PARD3B: variants seen among roughly 807,000 people sequenced by gnomAD.
PARD3B encodes par-3 family cell polarity regulator beta.
Under a neutral mutation model 130.2 loss-of-function variants are expected in PARD3B, and 103 were observed. The ratio of observed to expected loss-of-function variants is 0.79; its 90% CI spans 0.67 to 0.93. PARD3B has a LOEUF of 0.93. PARD3B is among the 40% of genes least tolerant of loss of function. The pLI is 0.00. For synonymous variants in PARD3B, 583 were observed against 553.2 expected, an observed-to-expected ratio of 1.05 and a Z score of -0.76; for missense variants, 1,609 against 1,499.2, an observed-to-expected ratio of 1.07 and a Z score of -1.21.
chr2:204,609,659 A>AT lies in PARD3B; in HGVS notation c.120+63541dup, dbSNP rs1427498712. On this transcript the variant is annotated intron_variant, in intron 1 of 22. Coordinates refer to ENST00000406610, the MANE Select transcript of PARD3B (RefSeq NM_001302769.2). Reference sequence around the variant, plus strand: ...AGTAGTAAGAAATGTTTGAGTTAAGATAAGGGGAGTTATATAGTCCAGTGT... The same window carrying AT: ...AGTAGTAAGAAATGTTTGAGTTAAGATTAAGGGGAGTTATATAGTCCAGTGT... 5.9e-5 allele frequency among the ~76,000 whole-genome samples: 9 copies of AT among 152,248 alleles called. No individual in the cohort carries two copies. The East Asian group carries it at 1.4e-3, about 23-fold the overall frequency.
intron 2 of PARD3B, among the ~76,000 whole-genome samples, chr2:204,729,130 A>G (rs1437947939): frequency 6.6e-6 from 1 of 152,180 alleles, no homozygotes; most frequent in African/African-American, 2.4e-5. Flanking sequence ...TCTGTTGATA[A>G]TGCAAAAGAG....
intron 20 of PARD3B, among the ~76,000 whole-genome samples, chr2:205,472,009 T>A (rs1488700485): frequency 6.6e-6 from 1 of 152,170 alleles, no homozygotes; most frequent in Non-Finnish European, 1.5e-5. Context: ...CTGGTTTCTG[T>A]CTGCACGTAG....
At chr2:204,902,398 G>A (rs1196179641) in intron 2 of PARD3B, among the ~76,000 whole-genome samples, 1 of 152,010 alleles carries the variant, frequency 6.6e-6, no homozygotes, top group Non-Finnish European at 1.5e-5. Context: ...AGCCAGGCGC[G>A]GTGGCTCAGG....
intron 18 of PARD3B, among the ~76,000 whole-genome samples, chr2:205,388,517 T>A (rs2045740568): frequency 6.6e-6 from 1 of 152,198 alleles, no homozygotes; most frequent in Admixed American, 6.5e-5. Flanking sequence ...GAGTATACAA[T>A]ACTTTTGTGA....
At chr2:205,573,074 C>A (rs1271850808) in intron 22 of PARD3B, among the ~76,000 whole-genome samples, 1 of 152,152 alleles carries the variant, frequency 6.6e-6, no homozygotes, top group Non-Finnish European at 1.5e-5. Context: ...ACCATCAGAT[C>A]TCATGAGAAC....
chr2:204,634,810 G>T (rs1388920956), intron 1 of PARD3B, among the ~76,000 whole-genome samples: 1 of 151,984 alleles, frequency 6.6e-6, no homozygotes, highest in Admixed American at 6.6e-5. Context: ...GATGATCATC[G>T]CTTAGGTCTA....
At position 205,358,224 on chromosome 2, in the gene PARD3B, T is replaced by C. The variant is rs192939969; in HGVS notation, c.2631-42789T>C. 6.7e-4 allele frequency among the ~76,000 whole-genome samples: 102 copies of C among 152,326 alleles called. 1 individual carries two copies. The East Asian group carries it at 0.013, about 19-fold the overall frequency. On this transcript the variant is annotated intron_variant, in intron 18 of 22. Coordinates refer to ENST00000406610, the MANE Select transcript of PARD3B (RefSeq NM_001302769.2). ...TTCTTGTCCAATCACCGCTACTCTTTTAAAAATTGAGACCTTAGCCTGGAT... is the reference window on the plus strand; with the variant it reads ...TTCTTGTCCAATCACCGCTACTCTTCTAAAAATTGAGACCTTAGCCTGGAT...
intron 2 of PARD3B, among the ~76,000 whole-genome samples, chr2:204,867,696 T>C (rs2045479344): frequency 6.6e-6 from 1 of 152,062 alleles, no homozygotes; most frequent in South Asian, 2.1e-4. Context: ...TCCCTGACCA[T>C]TTTATGTGTT....
intron 11 of PARD3B, among the ~76,000 whole-genome samples, chr2:205,166,032 A>G (rs905587791): frequency 6.6e-6 from 1 of 152,124 alleles, no homozygotes; most frequent in Non-Finnish European, 1.5e-5. Flanking sequence ...CAATTTGTAG[A>G]TGAAACTTAA....
intron 18 of PARD3B, among the ~76,000 whole-genome samples, chr2:205,358,057 A>T (rs1430659716): frequency 6.6e-6 from 1 of 152,236 alleles, no homozygotes; most frequent in Non-Finnish European, 1.5e-5. Flanking sequence ...TAAATTTCAC[A>T]TAAGCTGTTC....
At chr2:205,083,989 A>G (rs996754113) in intron 4 of PARD3B, among the ~76,000 whole-genome samples, 2 of 152,054 alleles carry the variant, frequency 1.3e-5, no homozygotes, top group African/African-American at 4.8e-5. Flanking sequence ...CCTAACAGAA[A>G]CTCTTAAACA....
At chr2:204,567,909 G>C (rs2031769218) in intron 1 of PARD3B, among the ~76,000 whole-genome samples, 1 of 152,174 alleles carries the variant, frequency 6.6e-6, no homozygotes, top group Non-Finnish European at 1.5e-5. Flanking sequence ...TGGGTGTGAA[G>C]TGTCTAATCT....
chr2:204,553,495 C>T (rs1035320654), intron 1 of PARD3B, among the ~76,000 whole-genome samples: 1 of 150,076 alleles, frequency 6.7e-6, no homozygotes, highest in Non-Finnish European at 1.5e-5. Context: ...GTGGAACCAA[C>T]CCAAATGCCC....
At chr2:205,025,050 C>A (rs1263840121) in intron 3 of PARD3B, among the ~76,000 whole-genome samples, 1 of 152,154 alleles carries the variant, frequency 6.6e-6, no homozygotes, top group Non-Finnish European at 1.5e-5. Context: ...TTCAGTTTAA[C>A]TAGCGGCACT....
intron 2 of PARD3B, among the ~76,000 whole-genome samples, chr2:204,705,976 T>C (rs1268957164): frequency 2.0e-5 from 3 of 152,168 alleles, no homozygotes; most frequent in African/African-American, 7.2e-5. Flanking sequence ...CAGTAACAGT[T>C]CTTTGATTGG....
At chr2:205,012,134 G>T (rs2125310965) in intron 3 of PARD3B, among the ~76,000 whole-genome samples, 1 of 152,190 alleles carries the variant, frequency 6.6e-6, no homozygotes, top group East Asian at 1.9e-4. Flanking sequence ...CTCTCTTCTG[G>T]AGAGAGAATT....
At chr2:205,223,384 A>G (rs1190194549) in intron 15 of PARD3B, among the ~76,000 whole-genome samples, 1 of 152,312 alleles carries the variant, frequency 6.6e-6, no homozygotes. Flanking sequence ...TTACAGAGAC[A>G]GAGGTGGGTC....
intron 2 of PARD3B, among the ~76,000 whole-genome samples, chr2:204,782,887 T>A (rs892577342): frequency 6.6e-6 from 1 of 152,112 alleles, no homozygotes; most frequent in Non-Finnish European, 1.5e-5. Context: ...CACAAAATGC[T>A]GTTCAGTTCA....
chr2:204,876,443 C>T (rs1036363259), intron 2 of PARD3B, among the ~76,000 whole-genome samples: 1 of 152,062 alleles, frequency 6.6e-6, no homozygotes, highest in Admixed American at 6.6e-5. Flanking sequence ...ACAAAACTGT[C>T]GTTGGATTGA....
Sources: allele counts gnomAD v4.1 joint callset (sites outside exome capture counted in the v4.1 genomes callset), GRCh38; gene constraint gnomAD v4.1.1; transcripts MANE v1.5; gene names NCBI Gene and HGNC (gene_info 2026-07-23, HGNC 2026-07-21).